Variants in ZNF622 observed in about 807,000 individuals in gnomAD.
The protein encoded by ZNF622 is cytoplasmic 60S subunit biogenesis factor ZNF622.
A neutral mutation model predicts 49.7 loss-of-function variants in ZNF622; 34 were observed. The observed-to-expected ratio is 0.68, with a 90% CI of 0.52 to 0.91. The LOEUF is 0.91. Ranked by LOEUF, ZNF622 falls within the 40% of genes least tolerant of loss-of-function variation. ZNF622 has a pLI of 0.00. For synonymous variants in ZNF622, 209 were observed against 228.7 expected (o/e 0.91, Z 0.78); for missense variants, 569 against 616.4 (o/e 0.92, Z 0.81).
chr5:16,462,589 G>A (rs1738137032), intron 3 of ZNF622, among the ~76,000 whole-genome samples: 1 of 152,132 alleles, frequency 6.6e-6, no homozygotes, highest in Non-Finnish European at 1.5e-5. Flanking sequence ...GGGAAGCTGA[G>A]GCTGCAGTAG....
chr5:16,463,992 C>T lies in ZNF622; in HGVS notation c.626-250G>A, dbSNP rs1188106863. 6.6e-6 allele frequency among the ~76,000 whole-genome samples: 1 copy of T among 152,172 alleles called. No homozygotes were observed. Among genetic ancestry groups the T allele is most frequent in the Admixed American group, 6.5e-5 (1 of 15,274 alleles). ...TCTTTTCTTTGTTTCTTTCCTATGC[C>T]TTACAGCACCTAGCCCAGTGCTGAA... On this transcript the variant is annotated intron_variant, in intron 1 of 5. Transcript: ENST00000308683. This position sits in a 1 kb window ranked among gnomAD's most constrained non-coding sequence, Gnocchi z 4.2.
At position 16,465,428 on chromosome 5, in the gene ZNF622, T is replaced by C. The variant is rs1738202938; in HGVS notation, c.238A>G (p.Asn80Asp). 1 of 1,614,250 alleles carries C rather than the reference T, an allele frequency of 6.2e-7. No individual in the cohort carries two copies. The highest frequency in any genetic ancestry group is 8.5e-7 in the Non-Finnish European group (1 of 1,180,038). ...GACTTGAGGTGGTTCTCGTAGGCGT[T>C]GAAAGAGGCAAACTTCTTACTGCAA... is the stretch of plus-strand genomic sequence containing the variant. ...TVCSKKFASFNAYENHLKSRR... is the reference protein window; with the variant it reads ...TVCSKKFASFDAYENHLKSRR... Residue 80 changes from asparagine to aspartate, a missense_variant, in exon 1 of 6, where the codon AAC becomes GAC. Transcript: ENST00000308683. This position sits in a 1 kb window ranked among gnomAD's most constrained non-coding sequence, Gnocchi z 6.2.
chr5:16,452,825 C>G (rs903548999), intron 5 of ZNF622, among the ~76,000 whole-genome samples, 188 bp downstream of exon 5: 3 of 152,222 alleles, frequency 2.0e-5, no homozygotes, highest in African/African-American at 7.2e-5. Flanking sequence ...TATGAAATTT[C>G]TAAGTCATAG....
intron 4 of ZNF622, among the ~76,000 whole-genome samples, chr5:16,456,747 A>G (rs1303885201): frequency 6.6e-6 from 1 of 152,188 alleles, no homozygotes; most frequent in Non-Finnish European, 1.5e-5. Flanking sequence ...AATGGCTCCC[A>G]GTGGAGGAAC....
rs368525261 is a variant in ZNF622, at chr5:16,454,284, G to A, written c.1163-1128C>T. Among the ~76,000 whole-genome samples the A allele has an allele frequency of 1.6e-3, 238 of 152,028 alleles. 1 individual carries two copies. Among genetic ancestry groups the A allele is most frequent in the African/African-American group, 5.6e-3 (231 of 41,472 alleles). On this transcript the variant is annotated intron_variant, in intron 4 of 5. Coordinates refer to ENST00000308683, the MANE Select transcript of ZNF622 (RefSeq NM_033414.3). ...GGACGGATCACGAGGTCAGGAGATC[G>A]AGACCATCCTGGCTAACACGGTGAA...
At chr5:16,455,020 A>G (rs1415044033) in intron 4 of ZNF622, among the ~76,000 whole-genome samples, 2 of 152,206 alleles carry the variant, frequency 1.3e-5, no homozygotes, top group Non-Finnish European at 1.5e-5. Flanking sequence ...AATACACACT[A>G]TCCTTTCACA....
At chr5:16,453,272 T>C (rs1037983418) in intron 4 of ZNF622, 116 bp from the exon 5 acceptor site, 1 of 1,080,540 alleles carries the variant, frequency 9.3e-7, no homozygotes, top group Non-Finnish European at 1.2e-6. Context: ...GGAAAATCGA[T>C]GTACCAGAAG....
At chr5:16,462,399 C>G (rs1260383982) in intron 3 of ZNF622, among the ~76,000 whole-genome samples, 1 of 152,196 alleles carries the variant, frequency 6.6e-6, no homozygotes, top group African/African-American at 2.4e-5. Context: ...TGGTATCTCA[C>G]ACCTGTAATC....
rs1430064271 is a variant in ZNF622, at chr5:16,465,670, A to C, written c.-5T>G. ...TATGCAGGTGTACGTCGCCATTGCC[A>C]GGCGAGAAATAAGAACCGACCAAGC... On this transcript the variant is annotated 5_prime_UTR_variant, in exon 1 of 6. Transcript: ENST00000308683. This position sits in a 1 kb window ranked among gnomAD's most constrained non-coding sequence, Gnocchi z 6.2. 3 of 1,557,622 alleles carry C rather than the reference A, an allele frequency of 1.9e-6. No individual in the cohort carries two copies. The highest frequency in any genetic ancestry group is 2.6e-6 in the Non-Finnish European group (3 of 1,153,534).
intron 5 of ZNF622, 112 bp from the exon 6 acceptor site, chr5:16,451,896 G>A (rs1737940806): frequency 7.3e-7 from 1 of 1,371,496 alleles, no homozygotes; most frequent in Admixed American, 2.3e-5. Flanking sequence ...CTAGGTTCTT[G>A]TATTTAAAAC....
chr5:16,464,608 T>C (rs1395286754), intron 1 of ZNF622, among the ~76,000 whole-genome samples: 1 of 152,158 alleles, frequency 6.6e-6, no homozygotes, highest in African/African-American at 2.4e-5. Flanking sequence ...CAGCTCCAAA[T>C]TTCTGGCTGA....
chr5:16,456,264 T>A (rs1738022197), intron 4 of ZNF622, among the ~76,000 whole-genome samples: 1 of 152,132 alleles, frequency 6.6e-6, no homozygotes, highest in Non-Finnish European at 1.5e-5. Context: ...CAGGCTAATG[T>A]CCACTCCTTC....
chr5:16,460,845 C>T (rs1192178512), intron 3 of ZNF622, among the ~76,000 whole-genome samples: 1 of 152,088 alleles, frequency 6.6e-6, no homozygotes, highest in Admixed American at 6.6e-5. Flanking sequence ...AAGGGAGAAC[C>T]GTTTCCATCA....
intron 5 of ZNF622, 146 bp downstream of exon 5, chr5:16,452,867 G>T: frequency 1.3e-6 from 1 of 781,858 alleles, no homozygotes; most frequent in Non-Finnish European, 1.8e-6. Context: ...AACATATCAA[G>T]TGGTAATGGA....
Position 16,463,939 on chromosome 5 carries a change from T to C in ZNF622, c.626-197A>G, listed in dbSNP as rs1738166646. Among the ~76,000 whole-genome samples the C allele has an allele frequency of 6.6e-6, 1 of 152,226 alleles. No homozygotes were observed. Among genetic ancestry groups the C allele is most frequent in the Non-Finnish European group, 1.5e-5 (1 of 68,042 alleles). On this transcript the variant is annotated intron_variant, in intron 1 of 5. Transcript: ENST00000308683. The surrounding 1 kb of genome is among the most constrained non-coding windows in gnomAD (Gnocchi z 4.2). The stretch of plus-strand genomic sequence containing the variant: ...CTCATCTGAATGGCCATGAAACTCC[T>C]TAGTCTTTCTTTTCCAGGAAACAGG...
At chr5:16,459,327 G>C (rs1303171788) in intron 3 of ZNF622, among the ~76,000 whole-genome samples, 1 of 152,060 alleles carries the variant, frequency 6.6e-6, no homozygotes, top group African/African-American at 2.4e-5. Context: ...CTCACAAAAA[G>C]ATATCCAAAT....
Position 16,463,552 on chromosome 5 carries a change from G to C in ZNF622, c.816C>G (p.Thr272=). The stretch of plus-strand genomic sequence containing the variant: ...CAGGAATAAAGAAACTGTGGTCTTT[G>C]GTCATGTGAGCCACATTCTTCATCA... ...SSLMKNVAHM[T]KDHSFFIPDI... is the part of the protein sequence containing the mutation. Residue 272 remains threonine, a synonymous_variant, in exon 2 of 6, where the codon ACC becomes ACG. Transcript: ENST00000308683. The surrounding 1 kb of genome is among the most constrained non-coding windows in gnomAD (Gnocchi z 4.2). 6.2e-7 allele frequency: 1 copy of C among 1,614,082 alleles called. No homozygotes were observed. Among genetic ancestry groups the C allele is most frequent in the Non-Finnish European group, 8.5e-7 (1 of 1,179,984 alleles).
chr5:16,458,151 G>A (rs1367702050), intron 4 of ZNF622, among the ~76,000 whole-genome samples: 1 of 150,922 alleles, frequency 6.6e-6, no homozygotes, highest in Admixed American at 6.6e-5. Context: ...AAGGAAACAG[G>A]AATCAGTTCA....
chr5:16,454,226 G>A (rs1259943732), intron 4 of ZNF622, among the ~76,000 whole-genome samples: 4 of 151,996 alleles, frequency 2.6e-5, no homozygotes, highest in Admixed American at 2.0e-4. Flanking sequence ...GGTGGCTCAC[G>A]CCTGTAATCC....
Sources: gnomAD v4.1 joint callset for allele counts (sites outside exome capture counted in the v4.1 genomes callset) on GRCh38, gnomAD v4.1.1 for gene constraint, Gnocchi (gnomAD v3.1) non-coding constraint, MANE v1.5 for transcripts, NCBI Gene and HGNC (gene_info 2026-07-23, HGNC 2026-07-21) for gene names.